The following HIKESHI variants were observed in gnomAD, a reference collection of about 807,000 sequenced individuals.
HIKESHI encodes the protein protein Hikeshi.
In HIKESHI, 13 loss-of-function variants were observed where a neutral mutation model predicts 25.7. The ratio of observed to expected loss-of-function variants is 0.51; its 90% confidence interval spans 0.33 to 0.80. HIKESHI has a LOEUF of 0.80. Ranked by LOEUF, HIKESHI falls within the 30% of genes least tolerant of loss-of-function variation. The probability of loss-of-function intolerance (pLI) is 0.02; values close to 1 mark genes in which losing one functional copy is unlikely to be tolerated. For synonymous variants in HIKESHI, 76 were observed against 78.7 expected, an observed-to-expected ratio of 0.97 and a Z score of 0.18; for missense variants, 174 against 229.5, an observed-to-expected ratio of 0.76 and a Z score of 1.56.
intron 1 of HIKESHI, 121 bp downstream of exon 1, chr11:86,302,599 G>T: frequency 8.5e-7 from 1 of 1,181,458 alleles, no homozygotes; most frequent in Non-Finnish European, 1.2e-6. Context: ...TTTTGGGTGG[G>T]TATGTGAGGA....
intron 2 of HIKESHI, among the ~76,000 whole-genome samples, chr11:86,320,677 A>T (rs1321923545): frequency 2.0e-5 from 3 of 152,238 alleles, no homozygotes; most frequent in Non-Finnish European, 4.4e-5. Context: ...TGAAGTGTAC[A>T]GTTTGATAAA....
Position 86,320,577 on chromosome 11 carries a change from A to C in HIKESHI, c.268+14095A>C, listed in dbSNP as rs561766121. 1.3e-3 allele frequency among the ~76,000 whole-genome samples: 194 copies of C among 152,360 alleles called. 2 individuals are homozygous for C. The highest frequency in any genetic ancestry group is 4.4e-3 in the African/African-American group (185 of 41,586). On this transcript the variant is annotated intron_variant, in intron 2 of 4. Coordinates refer to ENST00000278483, the MANE Select transcript of HIKESHI (RefSeq NM_016401.4). Reference sequence around the variant, plus strand: ...GGTGACAACAGTGAAACTCTGTCTCAAAAAGCAAAGCAAAGAAAATTTATT... The same window carrying C: ...GGTGACAACAGTGAAACTCTGTCTCCAAAAGCAAAGCAAAGAAAATTTATT...
At chr11:86,333,050 CAG>C (rs1304898171) in intron 2 of HIKESHI, among the ~76,000 whole-genome samples, 3 of 152,026 alleles carry the variant, frequency 2.0e-5, no homozygotes, top group Non-Finnish European at 4.4e-5. Flanking sequence ...AGAAAATTGA[CAG>C]AGGAAGAAGT....
chr11:86,308,895 G>T (rs1481822507), intron 2 of HIKESHI, among the ~76,000 whole-genome samples: 1 of 152,058 alleles, frequency 6.6e-6, no homozygotes, highest in Non-Finnish European at 1.5e-5. Flanking sequence ...CAAAGGACAT[G>T]AACTCATCCT....
intron 3 of HIKESHI, among the ~76,000 whole-genome samples, chr11:86,338,088 A>G (rs1191167103): frequency 1.3e-5 from 2 of 152,226 alleles, no homozygotes; most frequent in Admixed American, 6.5e-5. Context: ...TAGTAACTGT[A>G]TTCTCCATGC....
At chr11:86,328,440 T>G (rs930083633) in intron 2 of HIKESHI, among the ~76,000 whole-genome samples, 26 of 151,368 alleles carry the variant, frequency 1.7e-4, no homozygotes, top group Middle Eastern at 3.4e-3. Context: ...TTTTGTTTTT[T>G]TTTTTTTTTG....
At chr11:86,337,229 T>A (rs1322537952) in intron 2 of HIKESHI, 150 bp from the exon 3 acceptor site, 1 of 675,590 alleles carries the variant, frequency 1.5e-6, no homozygotes, top group Non-Finnish European at 2.4e-6. Context: ...AAAAACGAAG[T>A]AGGCTTTTGC....
At position 86,322,173 on chromosome 11, in the gene HIKESHI, G is replaced by A. The variant is rs139436255; in HGVS notation, c.269-15206G>A. Among the ~76,000 whole-genome samples, 18 of 151,966 alleles carry A rather than the reference G, an allele frequency of 1.2e-4. 1 individual carries two copies. The highest frequency in any genetic ancestry group is 3.6e-4 in the African/African-American group (15 of 41,426). Reference sequence around the variant, plus strand: ...TGCTGATTTTATATTTTTTTTAGTAGAGAGGGTTTCACCGTGCTGGTCAGG... The same window carrying A: ...TGCTGATTTTATATTTTTTTTAGTAAAGAGGGTTTCACCGTGCTGGTCAGG... On this transcript the variant is annotated intron_variant, in intron 2 of 4. Transcript: ENST00000278483.
In HIKESHI at chr11:86,332,259, C is replaced by T. The variant is rs111651354; in HGVS notation, c.269-5120C>T. Among the ~76,000 whole-genome samples the T allele has an allele frequency of 6.4e-3, 981 of 152,136 alleles. 13 individuals are homozygous for T. The highest frequency in any genetic ancestry group is 0.022 in the African/African-American group (900 of 41,510). On this transcript the variant is annotated intron_variant, in intron 2 of 4. Coordinates refer to ENST00000278483, the MANE Select transcript of HIKESHI (RefSeq NM_016401.4). ...GATTACAGGCGTGAGCCACCGTGCCCGGCCCGTAACTGTTTTCTTTAGTCC... is the reference window on the plus strand; with the variant it reads ...GATTACAGGCGTGAGCCACCGTGCCTGGCCCGTAACTGTTTTCTTTAGTCC...
chr11:86,319,308 G>GCT (rs1257658397), intron 2 of HIKESHI, among the ~76,000 whole-genome samples: 1 of 143,638 alleles, frequency 7.0e-6, no homozygotes, highest in Admixed American at 7.4e-5. Context: ...CAAGATTTCA[G>GCT]CTCACTGCAG....
chr11:86,343,648 G>T (rs1271410532), intron 3 of HIKESHI: 1 of 152,086 alleles, frequency 6.6e-6, no homozygotes, highest in Non-Finnish European at 1.5e-5. Flanking sequence ...AACAAACGAA[G>T]AAACTGTTAG....
At chr11:86,306,511 T>C (rs1339068072) in intron 2 of HIKESHI, 29 bp downstream of exon 2, 2 of 1,367,798 alleles carry the variant, frequency 1.5e-6, no homozygotes, top group African/African-American at 3.0e-5. Context: ...AGTAGTTTTA[T>C]AATTAATCAA....
intron 1 of HIKESHI, among the ~76,000 whole-genome samples, chr11:86,304,035 G>A (rs192998167): frequency 6.6e-6 from 1 of 151,188 alleles, no homozygotes; most frequent in African/African-American, 2.4e-5. Context: ...ACTAATACAG[G>A]CCATTTGGTT....
intron 2 of HIKESHI, among the ~76,000 whole-genome samples, chr11:86,330,669 T>C (rs1947398514): frequency 6.6e-6 from 1 of 152,256 alleles, no homozygotes; most frequent in African/African-American, 2.4e-5. Context: ...GTTCTTTGAC[T>C]AGCCTTAGCC....
chr11:86,310,974 T>C (rs988696130), intron 2 of HIKESHI, among the ~76,000 whole-genome samples: 1 of 152,222 alleles, frequency 6.6e-6, no homozygotes, highest in African/African-American at 2.4e-5. Context: ...CAGTATTTTA[T>C]TGAGGATTTT....
intron 2 of HIKESHI, among the ~76,000 whole-genome samples, chr11:86,320,119 T>C (rs1947111427): frequency 6.6e-6 from 1 of 152,184 alleles, no homozygotes; most frequent in South Asian, 2.1e-4. Flanking sequence ...CTTAAAACAA[T>C]TTTTTTAAAG....
chr11:86,322,358 G>A (rs117286967), intron 2 of HIKESHI, among the ~76,000 whole-genome samples: 2,303 of 151,984 alleles, frequency 0.015, 129 homozygotes, highest in East Asian at 0.13. Flanking sequence ...TCGTTTACAT[G>A]TTTTTAATAG....
intron 2 of HIKESHI, among the ~76,000 whole-genome samples, chr11:86,330,092 A>G (rs929473523): frequency 6.6e-6 from 1 of 151,936 alleles, no homozygotes; most frequent in Non-Finnish European, 1.5e-5. Context: ...TTTTTAGCCC[A>G]TAAATCTTTG....
At chr11:86,340,507 G>C (rs1355109272) in intron 3 of HIKESHI, among the ~76,000 whole-genome samples, 1 of 152,208 alleles carries the variant, frequency 6.6e-6, no homozygotes, top group African/African-American at 2.4e-5. Context: ...GACCAGTGAT[G>C]ATGAGCATTT....
Sources: gnomAD v4.1 joint callset for allele counts (sites outside exome capture counted in the v4.1 genomes callset) on GRCh38, gnomAD v4.1.1 for gene constraint, MANE v1.5 for transcripts, NCBI Gene and HGNC (gene_info 2026-07-23, HGNC 2026-07-21) for gene names.